NOS1: variants seen among roughly 807,000 people sequenced by gnomAD.
NOS1 encodes the protein NOS type I.
NOS1 carries 51 observed loss-of-function variants against 164.5 expected under a neutral mutation model. The observed-to-expected ratio is 0.31, with a 90% CI of 0.25 to 0.39. The LOEUF (loss-of-function observed/expected upper bound fraction) is 0.39. NOS1 is among the 10% of genes least tolerant of loss of function. The probability of loss-of-function intolerance (pLI) is 1.00; values close to 1 mark genes in which losing one functional copy is unlikely to be tolerated. For synonymous variants in NOS1, 719 were observed against 745.8 expected, an observed-to-expected ratio of 0.96 and a Z score of 0.59; for missense variants, 1,362 against 1,885.6, an observed-to-expected ratio of 0.72 and a Z score of 5.14.
chr12:117,274,396 G>A (rs1280658871), intron 9 of NOS1, among the ~76,000 whole-genome samples: 1 of 152,092 alleles, frequency 6.6e-6, no homozygotes, highest in Non-Finnish European at 1.5e-5. Flanking sequence ...TATGCAGAAC[G>A]GTATGGCAGA....
chr12:117,306,502 G>A (rs1874153470), intron 3 of NOS1, among the ~76,000 whole-genome samples: 1 of 151,972 alleles, frequency 6.6e-6, no homozygotes, highest in African/African-American at 2.4e-5. Flanking sequence ...TACGATAACA[G>A]CCTTTGATGA....
chr12:117,282,216 G>GA (rs879655686), intron 7 of NOS1, among the ~76,000 whole-genome samples: 1,435 of 141,246 alleles, frequency 0.01, 27 homozygotes, highest in African/African-American at 0.032. Context: ...ATCAGGATTG[G>GA]AAAAAAAAAA....
chr12:117,232,046 C>T lies in NOS1; in HGVS notation c.3321G>A (p.Thr1107=), dbSNP rs78855995. ...GCTGCAGCTGCAGAGGCGTTGGTGG[C>T]GTGGTGATGTCCAGGTAGTACTTGA... ...QAFKYYLDIT[T]PPTPLQLQQF... Residue 1107 remains threonine, a synonymous_variant, in exon 22 of 29, where the codon ACG becomes ACA. Transcript: ENST00000317775. The T allele has an allele frequency of 1.5e-5, 24 of 1,612,456 alleles. No individual in the cohort carries two copies. The highest frequency in any genetic ancestry group is 1.7e-5 in the Non-Finnish European group (20 of 1,180,006).
intron 20 of NOS1, among the ~76,000 whole-genome samples, chr12:117,240,660 A>C (rs968123204): frequency 2.0e-5 from 3 of 152,246 alleles, no homozygotes; most frequent in Admixed American, 2.0e-4. Context: ...GAATTATAAA[A>C]GATCCTGGAC....
At chr12:117,262,514 GGA>G (rs879291334) in intron 13 of NOS1, among the ~76,000 whole-genome samples, 55 of 146,312 alleles carry the variant, frequency 3.8e-4, no homozygotes, top group South Asian at 2.2e-3. Context: ...AGAAGAGAGA[GGA>G]GAGAGAGAGA....
At chr12:117,325,504 C>T (rs55990915) in intron 2 of NOS1, among the ~76,000 whole-genome samples, 22 of 152,024 alleles carry the variant, frequency 1.4e-4, no homozygotes, top group Middle Eastern at 3.4e-3. Context: ...CCTCCTGCAA[C>T]GCCAGGAACA....
intron 16 of NOS1, among the ~76,000 whole-genome samples, chr12:117,256,441 G>A (rs1315607247): frequency 4.0e-5 from 6 of 151,824 alleles, no homozygotes; most frequent in Non-Finnish European, 7.4e-5. Context: ...ACCATGGCCA[G>A]CTAATTTTTA....
At chr12:117,219,455 C>A (rs149160876) in intron 27 of NOS1, among the ~76,000 whole-genome samples, 1 of 152,036 alleles carries the variant, frequency 6.6e-6, no homozygotes, top group Non-Finnish European at 1.5e-5. Flanking sequence ...TACAGGTGCC[C>A]GCCACCATAG....
intron 2 of NOS1, among the ~76,000 whole-genome samples, chr12:117,324,267 T>C (rs762434798): frequency 2.6e-5 from 4 of 152,126 alleles, no homozygotes; most frequent in Non-Finnish European, 5.9e-5. Context: ...GGTTGACAAC[T>C]ATTTGTAAGT....
Position 117,213,098 on chromosome 12 carries a change from C to CCCCA in NOS1, c.*2210_*2211insTGGG. On this transcript the variant is annotated 3_prime_UTR_variant, in exon 29 of 29. Coordinates refer to ENST00000317775, the MANE Select transcript of NOS1 (RefSeq NM_000620.5). ...GGCAGGCACATGCAGAAAGGAGGTG[C>CCCCA]CTGGCACCTTGTAAGCGCTTCTAAG... 2.0e-6 allele frequency: 2 copies of CCCCA among 985,458 alleles called. No individual in the cohort carries two copies. The highest frequency in any genetic ancestry group is 2.4e-6 in the Non-Finnish European group (2 of 829,936). The allele number at this position is 985,458 out of a possible 1,614,324, so 61.0% of individuals were successfully genotyped here.
Position 117,208,391 on chromosome 12 carries a change from C to CGTGTGT in NOS1, c.*6912_*6917dup. On this transcript the variant is annotated 3_prime_UTR_variant, in exon 29 of 29. Transcript: ENST00000317775. ...GGGGGGACGGCCGAGTTTCTGACAGCGTGTGTGTGTGTGTGTGTGTGTGTG... is the reference window on the plus strand; with the variant it reads ...GGGGGGACGGCCGAGTTTCTGACAGCGTGTGTGTGTGTGTGTGTGTGTGTGTGTGTG... 456 of 1,243,960 alleles carry CGTGTGT rather than the reference C, an allele frequency of 3.7e-4. 1 individual carries two copies. Among genetic ancestry groups the CGTGTGT allele is most frequent in the African/African-American group, 2.4e-3 (138 of 57,226 alleles). 77.1% of individuals were successfully genotyped at this position (1,243,960 alleles called of 1,614,324 possible). A position where few individuals can be genotyped will look rare whatever the true frequency, so the allele number is the denominator to read the frequency against.
chr12:117,315,984 T>A (rs1379714239), intron 2 of NOS1, among the ~76,000 whole-genome samples: 2 of 152,206 alleles, frequency 1.3e-5, no homozygotes, highest in African/African-American at 4.8e-5. Context: ...CCTGTGATGA[T>A]GGAAATGTCT....
chr12:117,259,214 T>C (rs1871694934), intron 14 of NOS1, 84 bp from the exon 15 acceptor site: 1 of 882,984 alleles, frequency 1.1e-6, no homozygotes, highest in East Asian at 2.5e-5. Context: ...CAAAAAGTGA[T>C]GGGGGAAGGG....
intron 27 of NOS1, 77 bp from the exon 28 acceptor site, chr12:117,218,241 A>T: frequency 3.9e-6 from 4 of 1,015,350 alleles, no homozygotes; most frequent in East Asian, 4.7e-5. Context: ...CTTGCCTGAC[A>T]CCTGGAATGG....
intron 1 of NOS1, among the ~76,000 whole-genome samples, chr12:117,355,371 T>C (rs1876809750): frequency 6.6e-6 from 1 of 152,202 alleles, no homozygotes; most frequent in South Asian, 2.1e-4. Flanking sequence ...TGGATGATAA[T>C]TGGGCCAATG....
chr12:117,313,141 CCT>C (rs1874514937), intron 2 of NOS1, among the ~76,000 whole-genome samples: 1 of 152,126 alleles, frequency 6.6e-6, no homozygotes, highest in South Asian at 2.1e-4. Context: ...TCTTCCTCCT[CCT>C]CGGCATCAGG....
chr12:117,252,327 A>G (rs9658449), intron 17 of NOS1, among the ~76,000 whole-genome samples: 4,866 of 152,244 alleles, frequency 0.032, 221 homozygotes, highest in African/African-American at 0.1. Flanking sequence ...GTTCATTGGT[A>G]AGAAAACCAT....
Position 117,331,153 on chromosome 12 carries a change from C to T in NOS1, c.-84G>A. 2 of 1,513,536 alleles carry T rather than the reference C, an allele frequency of 1.3e-6. No homozygotes were observed. Among genetic ancestry groups the T allele is most frequent in the South Asian group, 1.3e-5 (1 of 78,346 alleles). 93.8% of individuals were successfully genotyped at this position (1,513,536 alleles called of 1,614,324 possible). ...GATTTCACCAGGAGGATCCAGGCTT[C>T]AGGCTACACGGAGAGCAGGAGCCGG... On this transcript the variant is annotated 5_prime_UTR_variant, in exon 2 of 29. Coordinates refer to ENST00000317775, the MANE Select transcript of NOS1 (RefSeq NM_000620.5).
intron 28 of NOS1, 113 bp from the exon 29 acceptor site, chr12:117,215,437 T>A: frequency 4.7e-6 from 6 of 1,271,742 alleles, no homozygotes; most frequent in Non-Finnish European, 6.1e-6. Flanking sequence ...TTTGTCTCTT[T>A]CTTTTTTTTT....
Sources: allele counts gnomAD v4.1 joint callset (sites outside exome capture counted in the v4.1 genomes callset), GRCh38; gene constraint gnomAD v4.1.1; transcripts MANE v1.5; gene names NCBI Gene and HGNC (gene_info 2026-07-23, HGNC 2026-07-21).